The following UBTD2 variants were observed in gnomAD, a reference collection of about 807,000 sequenced individuals.
The protein encoded by UBTD2 is ubiquitin domain-containing protein 2.
In UBTD2, 9 loss-of-function variants were observed where a neutral mutation model predicts 19.8. The ratio of observed to expected loss-of-function variants is 0.46; its 90% CI spans 0.27 to 0.79. UBTD2 has a LOEUF of 0.79. Ranked by LOEUF, UBTD2 falls within the 30% of genes least tolerant of loss-of-function variation. UBTD2 has a pLI of 0.14. For missense variants in UBTD2, 250 were observed against 300.4 expected, an observed-to-expected ratio of 0.83 and a Z score of 1.24; for synonymous variants, 98 against 103.9, an observed-to-expected ratio of 0.94 and a Z score of 0.35.
intron 1 of UBTD2, among the ~76,000 whole-genome samples, chr5:172,274,124 A>C (rs1385948560): frequency 5.0e-5 from 7 of 140,782 alleles, no homozygotes; most frequent in African/African-American, 1.9e-4. Flanking sequence ...CTCATGCTCA[A>C]TTTTGCTTTA....
intron 2 of UBTD2, among the ~76,000 whole-genome samples, chr5:172,231,049 C>T (rs1303517417): frequency 3.3e-5 from 5 of 152,182 alleles, no homozygotes; most frequent in Non-Finnish European, 1.5e-5. Flanking sequence ...TCCCAAAGTG[C>T]TGGGATTACA....
At position 172,277,067 on chromosome 5, in the gene UBTD2, C is replaced by CAA. The variant is rs56277139; in HGVS notation, c.70+6527_70+6528dup. ...CTGGGTGACAAAGCAGACTCTGTCT[C>CAA]AAAAAAAAAAAAAAAAAAAAAAAAA... On this transcript the variant is annotated intron_variant, in intron 1 of 2. Transcript: ENST00000393792. Among the ~76,000 whole-genome samples, 118 of 65,114 alleles carry CAA rather than the reference C, an allele frequency of 1.8e-3. 3 individuals carry two copies. Among genetic ancestry groups the CAA allele is most frequent in the Non-Finnish European group, 2.7e-3 (98 of 36,762 alleles). 42.7% of individuals were successfully genotyped at this position (65,114 alleles called of 152,430 possible).
At chr5:172,252,202 TGGATTTTCACCTACCC>T (rs1198827885) in intron 1 of UBTD2, 1 of 152,238 alleles carries the variant, frequency 6.6e-6, no homozygotes, top group East Asian at 1.9e-4. Context: ...AACATGGATT[TGGATTTTCACCTACCC>T]TCCCAAAGTG....
chr5:172,241,801 G>A (rs546981248), intron 1 of UBTD2, among the ~76,000 whole-genome samples: 5 of 152,170 alleles, frequency 3.3e-5, no homozygotes, highest in African/African-American at 1.2e-4. Context: ...GATCACCTGA[G>A]CCCAGGAGTT....
At chr5:172,248,856 T>C (rs1754934075) in intron 1 of UBTD2, among the ~76,000 whole-genome samples, 1 of 151,734 alleles carries the variant, frequency 6.6e-6, no homozygotes, top group African/African-American at 2.4e-5. Context: ...GGAAGATCAC[T>C]TGAGCCTGGG....
At chr5:172,269,037 T>C (rs1412486015) in intron 1 of UBTD2, among the ~76,000 whole-genome samples, 4 of 152,110 alleles carry the variant, frequency 2.6e-5, no homozygotes, top group Non-Finnish European at 5.9e-5. Context: ...TATATTCACT[T>C]TCAAACAGTT....
At chr5:172,236,911 A>G (rs1194501003) in intron 1 of UBTD2, among the ~76,000 whole-genome samples, 11 of 152,224 alleles carry the variant, frequency 7.2e-5, no homozygotes, top group Admixed American at 7.2e-4. Context: ...AAAAACAATC[A>G]TAATAAGGGT....
intron 1 of UBTD2, among the ~76,000 whole-genome samples, chr5:172,251,057 G>C (rs1250002471): frequency 6.6e-6 from 1 of 151,788 alleles, no homozygotes; most frequent in Non-Finnish European, 1.5e-5. Context: ...GCTCACGCCT[G>C]TAATCCCAGC....
chr5:172,279,625 C>T (rs1755671597), intron 1 of UBTD2, among the ~76,000 whole-genome samples: 1 of 152,154 alleles, frequency 6.6e-6, no homozygotes, highest in Non-Finnish European at 1.5e-5. Context: ...TTACTTTGTA[C>T]ATCACTATAC....
chr5:172,244,812 T>TC (rs934853951), intron 1 of UBTD2, among the ~76,000 whole-genome samples: 3 of 151,868 alleles, frequency 2.0e-5, no homozygotes, highest in Admixed American at 6.6e-5. Context: ...CATTGCAACC[T>TC]CCAACTCCCG....
chr5:172,223,665 C>T (rs1581211197), intron 2 of UBTD2, among the ~76,000 whole-genome samples: 1 of 137,732 alleles, frequency 7.3e-6, no homozygotes. Flanking sequence ...AAGCACTTTA[C>T]ATACATTAAC....
chr5:172,216,062 G>A lies in UBTD2; in HGVS notation c.308-3835C>T, dbSNP rs184805344. 2.6e-3 allele frequency among the ~76,000 whole-genome samples: 401 copies of A among 152,232 alleles called. 1 individual carries two copies. Among genetic ancestry groups the A allele is most frequent in the Non-Finnish European group, 4.0e-3 (269 of 68,004 alleles). On this transcript the variant is annotated intron_variant, in intron 2 of 2. Coordinates refer to ENST00000393792, the MANE Select transcript of UBTD2 (RefSeq NM_152277.3). ...GCTTGTAATAATCCCAGCTACTCAG[G>A]AGGCTGAGTCAGGAGAATTGCTTGA...
chr5:172,264,390 C>CA (rs1366590493), intron 1 of UBTD2, among the ~76,000 whole-genome samples: 3 of 151,316 alleles, frequency 2.0e-5, no homozygotes, highest in African/African-American at 4.9e-5. Context: ...ACTAAAAATA[C>CA]AAAAAAATAG....
intron 2 of UBTD2, among the ~76,000 whole-genome samples, chr5:172,216,787 G>A (rs575865710): frequency 6.6e-6 from 1 of 151,960 alleles, no homozygotes; most frequent in East Asian, 1.9e-4. Flanking sequence ...GCAACATAGT[G>A]AAACCCTGTC....
chr5:172,242,495 C>G (rs192140395), intron 1 of UBTD2: 1 of 889,656 alleles, frequency 1.1e-6, no homozygotes, highest in Admixed American at 6.2e-5. Context: ...TGTGTGAAGA[C>G]ATTTTAACTT....
intron 2 of UBTD2, among the ~76,000 whole-genome samples, chr5:172,223,614 A>AAAAAAAAAC (rs1771697485): frequency 6.7e-6 from 1 of 149,206 alleles, no homozygotes; most frequent in African/African-American, 2.5e-5. Context: ...AAAAAAAAAA[A>AAAAAAAAAC]AAAGCACACT....
At chr5:172,224,295 T>A (rs1259795638) in intron 2 of UBTD2, among the ~76,000 whole-genome samples, 2 of 118,242 alleles carry the variant, frequency 1.7e-5, no homozygotes, top group Admixed American at 1.8e-4. Context: ...ATGTTTTTCA[T>A]TTCTTTTTTT....
At chr5:172,249,048 A>C (rs769373280) in intron 1 of UBTD2, among the ~76,000 whole-genome samples, 1 of 152,154 alleles carries the variant, frequency 6.6e-6, no homozygotes, top group Non-Finnish European at 1.5e-5. Context: ...AGAAGGCACA[A>C]ATAACTAAAA....
chr5:172,264,686 G>A (rs543490471), intron 1 of UBTD2, among the ~76,000 whole-genome samples: 2 of 151,802 alleles, frequency 1.3e-5, no homozygotes, highest in South Asian at 4.1e-4. Context: ...ACCAAACTGG[G>A]CAACATGGTG....
Sources: gnomAD v4.1 joint callset for allele counts (sites outside exome capture counted in the v4.1 genomes callset) on GRCh38, gnomAD v4.1.1 for gene constraint, MANE v1.5 for transcripts, NCBI Gene and HGNC (gene_info 2026-07-23, HGNC 2026-07-21) for gene names.